Variants in TDRD9 observed in about 807,000 individuals in gnomAD.
TDRD9 encodes ATP-dependent RNA helicase TDRD9.
Under a neutral mutation model 172.6 loss-of-function variants are expected in TDRD9, and 124 were observed. The ratio of observed to expected loss-of-function variants is 0.72; its 90% CI spans 0.62 to 0.83. The LOEUF (loss-of-function observed/expected upper bound fraction) is 0.83. Ranked by LOEUF, TDRD9 falls within the 40% of genes least tolerant of loss-of-function variation. The pLI is 0.00. For synonymous variants in TDRD9, 619 were observed against 617.1 expected (o/e 1.00, Z -0.05); for missense variants, 1,479 against 1,714.1 (o/e 0.86, Z 2.42).
intron 2 of TDRD9, among the ~76,000 whole-genome samples, chr14:103,959,507 C>G (rs1336120084): frequency 1.4e-5 from 2 of 143,972 alleles, no homozygotes; most frequent in Admixed American, 6.9e-5. Flanking sequence ...CACACACACA[C>G]AGACACAAAG....
At chr14:103,963,669 G>A (rs1358477534) in intron 3 of TDRD9, among the ~76,000 whole-genome samples, 2 of 152,196 alleles carry the variant, frequency 1.3e-5, no homozygotes, top group African/African-American at 2.4e-5. Flanking sequence ...ACAGTAGGAC[G>A]ATTAAGTTCC....
chr14:103,928,804 T>C, intron 1 of TDRD9, 80 bp downstream of exon 1: 1 of 418,010 alleles, frequency 2.4e-6, no homozygotes, highest in Non-Finnish European at 3.7e-6. Context: ...ATCCAGATCC[T>C]TCTCGCGAGC....
chr14:103,947,207 G>C (rs556390339), intron 1 of TDRD9, among the ~76,000 whole-genome samples: 1 of 152,210 alleles, frequency 6.6e-6, no homozygotes, highest in Non-Finnish European at 1.5e-5. Context: ...GGAGTAGAGA[G>C]CCCAGAAATA....
chr14:103,929,921 A>G (rs1413437955), intron 1 of TDRD9, among the ~76,000 whole-genome samples: 1 of 151,974 alleles, frequency 6.6e-6, no homozygotes, highest in African/African-American at 2.4e-5. Flanking sequence ...AGTTTCACAG[A>G]CTCCCTCCTC....
chr14:104,006,048 C>T (rs1265045693), intron 15 of TDRD9, among the ~76,000 whole-genome samples: 1 of 152,142 alleles, frequency 6.6e-6, no homozygotes, highest in Non-Finnish European at 1.5e-5. Flanking sequence ...TTTCCCCATA[C>T]ATAGTTCAGT....
intron 7 of TDRD9, among the ~76,000 whole-genome samples, chr14:103,984,305 G>A (rs2033585833): frequency 6.6e-6 from 1 of 152,224 alleles, no homozygotes; most frequent in Non-Finnish European, 1.5e-5. Context: ...GCATGTCAGA[G>A]GTCTTCACGG....
chr14:103,988,687 C>T (rs2033761947), intron 8 of TDRD9, among the ~76,000 whole-genome samples: 1 of 137,836 alleles, frequency 7.3e-6, no homozygotes, highest in East Asian at 2.1e-4. Flanking sequence ...TGCAGTGTAG[C>T]ATTTTACTTT....
intron 1 of TDRD9, among the ~76,000 whole-genome samples, chr14:103,951,689 C>T (rs2031876674): frequency 6.6e-6 from 1 of 152,242 alleles, no homozygotes; most frequent in Non-Finnish European, 1.5e-5. Flanking sequence ...TAAGTCCATT[C>T]TCTGGTACTA....
At chr14:103,990,042 A>G (rs1186319683) in intron 8 of TDRD9, among the ~76,000 whole-genome samples, 1 of 152,164 alleles carries the variant, frequency 6.6e-6, no homozygotes, top group Non-Finnish European at 1.5e-5. Flanking sequence ...CCTCATGGCC[A>G]TGTCTCCTTC....
At chr14:103,937,366 C>T (rs558199682) in intron 1 of TDRD9, among the ~76,000 whole-genome samples, 1 of 152,174 alleles carries the variant, frequency 6.6e-6, no homozygotes, top group Non-Finnish European at 1.5e-5. Flanking sequence ...CAGTGCTTCC[C>T]GTCGCTCCCT....
intron 13 of TDRD9, among the ~76,000 whole-genome samples, chr14:104,003,492 A>C (rs924201308): frequency 2.0e-5 from 3 of 152,200 alleles, no homozygotes; most frequent in African/African-American, 7.2e-5. Flanking sequence ...TTCTAGATAG[A>C]TATCTTTTGT....
At chr14:103,964,897 T>G (rs2032667351) in intron 3 of TDRD9, among the ~76,000 whole-genome samples, 1 of 152,114 alleles carries the variant, frequency 6.6e-6, no homozygotes, top group South Asian at 2.1e-4. Flanking sequence ...TGCTCTCTTG[T>G]GTTGTGTTTA....
At position 104,052,036 on chromosome 14, in the gene TDRD9, A is replaced by G; in HGVS notation, c.4103A>G (p.Asn1368Ser). Reference protein sequence around the residue: ...QADRESSRGKNTFLYQLHKLV... With the variant: ...QADRESSRGKSTFLYQLHKLV... Reference sequence around the variant, plus strand: ...GACCGTGAGAGCAGCAGAGGGAAGAACACCTTTCTCTACCAGCTCCACAAA... The same window carrying G: ...GACCGTGAGAGCAGCAGAGGGAAGAGCACCTTTCTCTACCAGCTCCACAAA... The change falls in exon 36 of 36, where the codon AAC becomes AGC. Residue 1368 changes from asparagine to serine, a missense_variant. This residue lies in a region of TDRD9 where 1,413 missense variants were observed against 1,649.1 expected (regional missense o/e 0.86). Coordinates refer to ENST00000409874, the MANE Select transcript of TDRD9 (RefSeq NM_153046.3). 6.3e-7 allele frequency: 1 copy of G among 1,594,296 alleles called. No homozygotes were observed. Among genetic ancestry groups the G allele is most frequent in the Non-Finnish European group, 8.5e-7 (1 of 1,170,102 alleles).
At chr14:104,017,169 C>A (rs756858892) in intron 22 of TDRD9, among the ~76,000 whole-genome samples, 3 of 151,994 alleles carry the variant, frequency 2.0e-5, no homozygotes, top group South Asian at 2.1e-4. Flanking sequence ...CAGCTGTGCG[C>A]AAGAGGAAGG....
intron 5 of TDRD9, 115 bp from the exon 6 acceptor site, chr14:103,970,426 C>T: frequency 1.4e-6 from 1 of 716,528 alleles, no homozygotes; most frequent in Non-Finnish European, 2.4e-6. Context: ...TGAGGAACTG[C>T]ATTTAGCAGA....
At chr14:103,964,934 AT>A (rs2032668844) in intron 3 of TDRD9, among the ~76,000 whole-genome samples, 1 of 152,020 alleles carries the variant, frequency 6.6e-6, no homozygotes, top group Non-Finnish European at 1.5e-5. Context: ...ACTTTAAGCA[AT>A]TTGGGAAATT....
chr14:103,958,577 C>T (rs549469086), intron 2 of TDRD9, among the ~76,000 whole-genome samples: 8 of 152,222 alleles, frequency 5.3e-5, no homozygotes, highest in Middle Eastern at 6.8e-3. Context: ...AGGGTTTTTC[C>T]TAGAGGGAAG....
intron 1 of TDRD9, among the ~76,000 whole-genome samples, chr14:103,937,875 T>A (rs2030878797): frequency 1.5e-5 from 1 of 66,750 alleles, no homozygotes; most frequent in East Asian, 4.6e-4. Flanking sequence ...TTTAATTTTC[T>A]TTTTTGAATG....
intron 7 of TDRD9, 99 bp from the exon 8 acceptor site, chr14:103,986,118 A>G (rs762364332): frequency 3.8e-6 from 3 of 790,962 alleles, no homozygotes; most frequent in Non-Finnish European, 6.3e-6. Context: ...AGAGTTTGTT[A>G]CAGTGTTGTA....
Sources: allele counts gnomAD v4.1 joint callset (sites outside exome capture counted in the v4.1 genomes callset), GRCh38; gene constraint gnomAD v4.1.1; regional missense constraint gnomAD v4.1.1; transcripts MANE v1.5; gene names NCBI Gene and HGNC (gene_info 2026-07-23, HGNC 2026-07-21).